The following MACROD2 variants were observed in gnomAD, a reference collection of about 807,000 sequenced individuals.
MACROD2 encodes mono-ADP ribosylhydrolase 2.
Under a neutral mutation model 70.4 loss-of-function variants are expected in MACROD2, and 36 were observed. The observed-to-expected ratio is 0.51, with a 90% CI of 0.39 to 0.68. MACROD2 has a LOEUF of 0.68. MACROD2 is among the 30% of genes least tolerant of loss of function. The probability of loss-of-function intolerance (pLI) is 0.00; values close to 1 mark genes in which losing one functional copy is unlikely to be tolerated. For synonymous variants in MACROD2, 172 were observed against 178.8 expected, an observed-to-expected ratio of 0.96 and a Z score of 0.30; for missense variants, 496 against 538.4, an observed-to-expected ratio of 0.92 and a Z score of 0.78.
chr20:14,833,426 C>G (rs140369631), intron 5 of MACROD2, among the ~76,000 whole-genome samples: 2 of 152,162 alleles, frequency 1.3e-5, no homozygotes, highest in African/African-American at 4.8e-5. Flanking sequence ...AGAGGACACA[C>G]AGGAGGCACA....
chr20:15,966,845 T>G (rs1174323784), intron 12 of MACROD2, among the ~76,000 whole-genome samples: 3 of 152,196 alleles, frequency 2.0e-5, no homozygotes, highest in Non-Finnish European at 4.4e-5. Context: ...TTCCAGTACT[T>G]TTTAAAGAGC....
At chr20:14,647,972 G>A (rs1460520815) in intron 4 of MACROD2, among the ~76,000 whole-genome samples, 2 of 152,126 alleles carry the variant, frequency 1.3e-5, no homozygotes, top group African/African-American at 4.8e-5. Flanking sequence ...TATCCAGCTA[G>A]GTAGGGCAAA....
intron 5 of MACROD2, among the ~76,000 whole-genome samples, chr20:14,861,034 C>G (rs2073310385): frequency 6.6e-6 from 1 of 151,954 alleles, no homozygotes; most frequent in Non-Finnish European, 1.5e-5. Context: ...AGTTTTTATT[C>G]TGTTATATAA....
chr20:15,988,238 C>T (rs1225197114), intron 15 of MACROD2, among the ~76,000 whole-genome samples: 3 of 152,090 alleles, frequency 2.0e-5, no homozygotes, highest in African/African-American at 7.2e-5. Context: ...ACTCCACTTT[C>T]CTGTTAAGTC....
intron 1 of MACROD2, 120 bp from the exon 2 acceptor site, chr20:14,002,168 T>C (rs1168812882): frequency 8.4e-6 from 4 of 478,178 alleles, no homozygotes; most frequent in African/African-American, 8.0e-5. Context: ...ATTTGCATTG[T>C]GTTCTTCAGG....
intron 15 of MACROD2, among the ~76,000 whole-genome samples, chr20:15,993,233 A>AGTGTGTGTGTGT (rs11468964): frequency 6.9e-6 from 1 of 143,980 alleles, no homozygotes; most frequent in African/African-American, 2.5e-5. Flanking sequence ...GAATTTGAAG[A>AGTGTGTGTGTGT]GTGTGTGTGT....
intron 10 of MACROD2, among the ~76,000 whole-genome samples, chr20:15,899,319 T>C (rs1025753414): frequency 6.6e-6 from 1 of 152,106 alleles, no homozygotes; most frequent in African/African-American, 2.4e-5. Flanking sequence ...TATATACATA[T>C]ATACATATAC....
At chr20:14,520,111 G>T (rs907702073) in intron 4 of MACROD2, among the ~76,000 whole-genome samples, 2 of 152,146 alleles carry the variant, frequency 1.3e-5, no homozygotes, top group Non-Finnish European at 2.9e-5. Context: ...TATCTGTCAG[G>T]TACTATGCTT....
chr20:14,356,016 T>C (rs1361461226), intron 3 of MACROD2, among the ~76,000 whole-genome samples: 1 of 152,170 alleles, frequency 6.6e-6, no homozygotes, highest in Non-Finnish European at 1.5e-5. Context: ...GAACAACCAT[T>C]GGATCCTGAT....
At chr20:14,197,638 G>A (rs1029440974) in intron 3 of MACROD2, among the ~76,000 whole-genome samples, 2 of 151,960 alleles carry the variant, frequency 1.3e-5, no homozygotes, top group African/African-American at 4.8e-5. Context: ...GTGGTGGTGG[G>A]CGCCTGTAAT....
intron 12 of MACROD2, among the ~76,000 whole-genome samples, chr20:15,962,347 G>A (rs982383009): frequency 3.3e-5 from 5 of 152,212 alleles, no homozygotes; most frequent in Admixed American, 2.0e-4. Context: ...AACAGCTGTA[G>A]TTCCTAGGTG....
Position 14,012,059 on chromosome 20 carries a change from C to T in MACROD2, c.163+9655C>T, listed in dbSNP as rs1404850515. On this transcript the variant is annotated intron_variant, in intron 2 of 17. Transcript: ENST00000684519. Reference sequence around the variant, plus strand: ...AGTTAGCTGGGGTTATAGGCATGTACCCCCGCCCAGCTAAATTTTGTATTT... The same window carrying T: ...AGTTAGCTGGGGTTATAGGCATGTATCCCCGCCCAGCTAAATTTTGTATTT... Among the ~76,000 whole-genome samples, 4 of 151,998 alleles carry T rather than the reference C, an allele frequency of 2.6e-5. No individual in the cohort carries two copies. In the East Asian group the frequency reaches 7.7e-4, roughly 29 times the overall value.
intron 5 of MACROD2, among the ~76,000 whole-genome samples, chr20:15,025,802 T>C (rs1460652277): frequency 1.3e-5 from 2 of 152,094 alleles, no homozygotes; most frequent in African/African-American, 4.8e-5. Context: ...CAACCAAAAC[T>C]GTGCCCAGAT....
chr20:14,814,144 A>G (rs1366768418), intron 5 of MACROD2, among the ~76,000 whole-genome samples: 1 of 152,144 alleles, frequency 6.6e-6, no homozygotes, highest in Non-Finnish European at 1.5e-5. Flanking sequence ...ATCTTTAAAC[A>G]TCAGAATGGA....
intron 8 of MACROD2, among the ~76,000 whole-genome samples, chr20:15,501,265 G>A (rs1187206626): frequency 6.6e-6 from 1 of 152,228 alleles, no homozygotes; most frequent in Non-Finnish European, 1.5e-5. Flanking sequence ...TGTTGCATGA[G>A]TGAAAGTTGA....
At chr20:14,943,400 A>G (rs1277527982) in intron 5 of MACROD2, among the ~76,000 whole-genome samples, 3 of 152,008 alleles carry the variant, frequency 2.0e-5, no homozygotes, top group African/African-American at 7.2e-5. Flanking sequence ...CTTCCAGGTC[A>G]ATGGACAGAT....
intron 3 of MACROD2, among the ~76,000 whole-genome samples, chr20:14,474,829 C>A (rs1202799600): frequency 6.6e-6 from 1 of 152,024 alleles, no homozygotes; most frequent in Non-Finnish European, 1.5e-5. Context: ...AAGTCTTTTT[C>A]CATTTCTTCA....
chr20:14,032,080 A>C (rs543859194), intron 2 of MACROD2, among the ~76,000 whole-genome samples: 6 of 152,124 alleles, frequency 3.9e-5, no homozygotes, highest in African/African-American at 1.4e-4. Flanking sequence ...TTTAGTGTAA[A>C]AATTTATTAT....
intron 3 of MACROD2, among the ~76,000 whole-genome samples, chr20:14,271,778 C>A (rs547514995): frequency 5.3e-5 from 8 of 152,120 alleles, no homozygotes; most frequent in Non-Finnish European, 8.8e-5. Context: ...ACTAGAATAA[C>A]CAATACAGAG....
Sources: allele counts gnomAD v4.1 joint callset (sites outside exome capture counted in the v4.1 genomes callset), GRCh38; gene constraint gnomAD v4.1.1; transcripts MANE v1.5; gene names NCBI Gene and HGNC (gene_info 2026-07-23, HGNC 2026-07-21).